The following RIMS1 variants were observed in gnomAD, a reference collection of about 807,000 sequenced individuals.
RIMS1 encodes regulating synaptic membrane exocytosis 1, also known as regulating synaptic membrane exocytosis protein 1.
A neutral mutation model predicts 214.1 loss-of-function variants in RIMS1; 83 were observed. The ratio of observed to expected loss-of-function variants is 0.39; its 90% confidence interval spans 0.32 to 0.47. The LOEUF (loss-of-function observed/expected upper bound fraction) is 0.47, where lower values mean the gene tolerates loss of function less well. Ranked by LOEUF, RIMS1 falls within the 20% of genes least tolerant of loss-of-function variation. The pLI, the probability that RIMS1 is intolerant of heterozygous loss-of-function variation, is 0.99. For synonymous variants in RIMS1, 793 were observed against 786.8 expected, an observed-to-expected ratio of 1.01 and a Z score of -0.13; for missense variants, 2,050 against 2,161.8, an observed-to-expected ratio of 0.95 and a Z score of 1.03.
chr6:72,184,761 G>A (rs2048859404), intron 6 of RIMS1, among the ~76,000 whole-genome samples: 1 of 34,032 alleles, frequency 2.9e-5, no homozygotes. Context: ...GCTTTATTCT[G>A]GGAAAAAAAA....
rs1322919526 is a variant in RIMS1, at chr6:72,162,754, T to C, written c.472-16821T>C. On this transcript the variant is annotated intron_variant, in intron 4 of 33. Transcript: ENST00000521978. Reference sequence around the variant, plus strand: ...GGCTTGTAGAGTTTCTTCCAAGAGATCAGCTGTTAGTCTGATGGGCTTCCC... The same window carrying C: ...GGCTTGTAGAGTTTCTTCCAAGAGACCAGCTGTTAGTCTGATGGGCTTCCC... Among the ~76,000 whole-genome samples the C allele has an allele frequency of 5.0e-5, 7 of 140,726 alleles. 3 individuals carry two copies. The highest frequency in any genetic ancestry group is 1.1e-4 in the Non-Finnish European group (7 of 61,938). The allele number at this position is 140,726 out of a possible 152,430, so 92.3% of individuals were successfully genotyped here.
intron 4 of RIMS1, among the ~76,000 whole-genome samples, chr6:72,123,188 T>C (rs546652240): frequency 6.6e-6 from 1 of 151,972 alleles, no homozygotes; most frequent in African/African-American, 2.4e-5. Flanking sequence ...TTCTCGTTGG[T>C]TTCAAAGAAC....
chr6:72,013,029 C>T (rs1811391607), intron 2 of RIMS1, among the ~76,000 whole-genome samples: 1 of 152,178 alleles, frequency 6.6e-6, no homozygotes, highest in Admixed American at 6.5e-5. Context: ...TGACGCTGTG[C>T]AAACCACTAC....
chr6:71,997,601 C>T (rs1274357852), intron 2 of RIMS1, among the ~76,000 whole-genome samples: 1 of 152,056 alleles, frequency 6.6e-6, no homozygotes, highest in African/African-American at 2.4e-5. Flanking sequence ...ATAAGAACTG[C>T]AAACATGAAA....
intron 7 of RIMS1, 63 bp downstream of exon 7, chr6:72,233,903 G>T: frequency 9.7e-7 from 1 of 1,030,264 alleles, no homozygotes; most frequent in Non-Finnish European, 1.5e-6. Flanking sequence ...ATTGTCCTTT[G>T]TCTGATATGT....
chr6:72,311,062 A>G (rs1164688476), intron 27 of RIMS1, among the ~76,000 whole-genome samples: 1 of 152,170 alleles, frequency 6.6e-6, no homozygotes, highest in East Asian at 1.9e-4. Flanking sequence ...TTTCATATAC[A>G]TTCACATACC....
intron 31 of RIMS1, among the ~76,000 whole-genome samples, chr6:72,397,608 A>C (rs768339094): frequency 1.8e-4 from 28 of 152,230 alleles, no homozygotes; most frequent in Non-Finnish European, 3.4e-4. Context: ...TAACTGATAC[A>C]AGAATGCGTA....
At chr6:72,373,714 A>C (rs2098287917) in intron 29 of RIMS1, among the ~76,000 whole-genome samples, 1 of 152,180 alleles carries the variant, frequency 6.6e-6, no homozygotes, top group Admixed American at 6.5e-5. Flanking sequence ...CCACAGAATC[A>C]TTAAATACTG....
At chr6:71,893,803 G>A (rs75783754) in intron 1 of RIMS1, among the ~76,000 whole-genome samples, 4,501 of 152,196 alleles carry the variant, frequency 0.03, 202 homozygotes, top group African/African-American at 0.097. Flanking sequence ...TTGCAATATT[G>A]TGAAAACTTC....
intron 6 of RIMS1, among the ~76,000 whole-genome samples, chr6:72,225,661 G>A (rs1253797521): frequency 2.0e-5 from 3 of 152,140 alleles, no homozygotes; most frequent in Non-Finnish European, 2.9e-5. Context: ...TTCCTGGCTG[G>A]TTATTCCGAG....
In RIMS1 at chr6:72,265,389, G is replaced by C; in HGVS notation, c.3195-1G>C. ...TTTTTGTGTAATTTTAATTTGTGGA[G>C]CTCAATTCTGCCTGCACATACTAAG... On this transcript the variant is annotated splice_acceptor_variant, in intron 20 of 33. Transcript: ENST00000521978. LOFTEE classifies it high-confidence loss of function. The C allele has an allele frequency of 1.3e-6, 2 of 1,507,060 alleles. 1 individual carries two copies. Among genetic ancestry groups the C allele is most frequent in the Middle Eastern group, 3.5e-4 (2 of 5,720 alleles). 93.4% of individuals were successfully genotyped at this position (1,507,060 alleles called of 1,614,324 possible).
In RIMS1 at chr6:72,333,688, A is replaced by C; in HGVS notation, c.4219A>C (p.Thr1407Pro). ...KSTSVSGEMY[T>P]LEHNDGSQSD... is the part of the protein sequence containing the mutation. ...CACCAGTGTCAGTGGAGAGATGTAC[A>C]CACTGGAGCATAATGACGGCAGCCA... is the stretch of plus-strand genomic sequence containing the variant. Residue 1407 changes from threonine to proline, a missense_variant, in exon 29 of 34, where the codon ACA (threonine) becomes CCA (proline). Physicochemically the swap from Thr to Pro is conservative, Grantham distance 38. This residue lies in a region of RIMS1 where 889 missense variants were observed against 885.5 expected (regional missense o/e 1.00). Coordinates refer to ENST00000521978, the MANE Select transcript of RIMS1 (RefSeq NM_014989.7). 1 of 1,594,720 alleles carries C rather than the reference A, an allele frequency of 6.3e-7. No homozygotes were observed. Among genetic ancestry groups the C allele is most frequent in the Non-Finnish European group, 8.5e-7 (1 of 1,170,574 alleles).
chr6:72,174,616 T>A (rs1486114762), intron 4 of RIMS1, among the ~76,000 whole-genome samples: 1 of 152,204 alleles, frequency 6.6e-6, no homozygotes, highest in Admixed American at 6.5e-5. Flanking sequence ...GTTTAAGGAC[T>A]AGGTAAGTGA....
intron 4 of RIMS1, among the ~76,000 whole-genome samples, chr6:72,149,853 G>C (rs1160129542): frequency 6.6e-6 from 1 of 152,152 alleles, no homozygotes; most frequent in Admixed American, 6.5e-5. Context: ...GGCCCACTGG[G>C]CCACACCTGG....
chr6:72,196,029 G>T (rs2050799874), intron 6 of RIMS1, among the ~76,000 whole-genome samples: 1 of 151,882 alleles, frequency 6.6e-6, no homozygotes, highest in Non-Finnish European at 1.5e-5. Context: ...CCTCCCACTG[G>T]GTCTCTCTAT....
intron 2 of RIMS1, among the ~76,000 whole-genome samples, chr6:72,027,809 T>C (rs1816971489): frequency 6.6e-6 from 1 of 152,074 alleles, no homozygotes; most frequent in Non-Finnish European, 1.5e-5. Flanking sequence ...AACTCAAGGA[T>C]TATCAGATAT....
chr6:72,306,093 C>T (rs1328068273), intron 26 of RIMS1, among the ~76,000 whole-genome samples: 2 of 151,992 alleles, frequency 1.3e-5, no homozygotes, highest in Admixed American at 6.6e-5. Context: ...AAATTGTCAG[C>T]AAATATCTTT....
chr6:72,338,864 A>C (rs2096941666), intron 29 of RIMS1, among the ~76,000 whole-genome samples: 1 of 151,032 alleles, frequency 6.6e-6, no homozygotes, highest in African/African-American at 2.4e-5. Flanking sequence ...AGAGAGAGAG[A>C]GAGAGAGAGA....
chr6:72,106,813 G>T (rs2034843774), intron 4 of RIMS1, among the ~76,000 whole-genome samples: 1 of 152,002 alleles, frequency 6.6e-6, no homozygotes, highest in Admixed American at 6.6e-5. Context: ...ATTTACTATT[G>T]CTAGAGATGC....
Sources: gnomAD v4.1 joint callset for allele counts (sites outside exome capture counted in the v4.1 genomes callset) on GRCh38, gnomAD v4.1.1 for gene constraint, gnomAD v4.1.1 regional missense constraint, MANE v1.5 for transcripts, NCBI Gene and HGNC (gene_info 2026-07-23, HGNC 2026-07-21) for gene names.